LTBP1: variants seen among roughly 807,000 people sequenced by gnomAD.
The protein encoded by LTBP1 is latent transforming growth factor beta binding protein 1, also known as latent-transforming growth factor beta-binding protein 1.
In LTBP1, 129 loss-of-function variants were observed where a neutral mutation model predicts 207.6. That is an observed-to-expected ratio of 0.62 (90% CI 0.54 to 0.72). LTBP1 has a LOEUF of 0.72. Among genes scored for constraint, LTBP1 ranks in the 30% least tolerant of loss-of-function variants. The pLI is 0.00. For synonymous variants in LTBP1, 963 were observed against 833.7 expected (o/e 1.16, Z -2.67); for missense variants, 2,281 against 2,217.2 (o/e 1.03, Z -0.58).
chr2:32,975,598 T>G (rs1181461043), intron 2 of LTBP1, among the ~76,000 whole-genome samples: 10 of 125,708 alleles, frequency 8.0e-5, no homozygotes, highest in African/African-American at 1.6e-4. Context: ...TTTTTTTTTT[T>G]TTTTTTTTTT....
intron 13 of LTBP1, 60 bp downstream of exon 13, chr2:33,259,670 G>T: frequency 1.3e-6 from 2 of 1,486,500 alleles, no homozygotes; most frequent in Non-Finnish European, 1.8e-6. Flanking sequence ...TTTTCTATTA[G>T]AATATGTATG....
intron 9 of LTBP1, among the ~76,000 whole-genome samples, chr2:33,239,876 C>T (rs971022179): frequency 5.3e-5 from 8 of 151,224 alleles, no homozygotes; most frequent in Non-Finnish European, 1.2e-4. Flanking sequence ...TGTACTCCAA[C>T]CTGTGTGACA....
At chr2:33,247,398 G>C (rs572798410) in intron 10 of LTBP1, among the ~76,000 whole-genome samples, 39 of 152,330 alleles carry the variant, frequency 2.6e-4, no homozygotes, top group Non-Finnish European at 5.1e-4. Context: ...ATTTAAAACA[G>C]GATTTGTGCC....
At position 33,361,865 on chromosome 2, in the gene LTBP1, A is replaced by T. The variant is rs975493924; in HGVS notation, c.4270+350A>T. ...ACTAAATATTTTATTCTAGATGCTT[A>T]ATAGAAATCATATCAATTATGATCA... is the stretch of plus-strand genomic sequence containing the variant. On this transcript the variant is annotated intron_variant, in intron 28 of 33. Transcript: ENST00000404816. Among the ~76,000 whole-genome samples the T allele has an allele frequency of 5.9e-5, 9 of 152,302 alleles. No individual in the cohort carries two copies. In the East Asian group the frequency reaches 1.2e-3, roughly 20 times the overall value.
chr2:33,163,820 T>C (rs182717618), intron 5 of LTBP1, among the ~76,000 whole-genome samples: 1 of 152,126 alleles, frequency 6.6e-6, no homozygotes, highest in Admixed American at 6.5e-5. Flanking sequence ...AATAAAGATT[T>C]GATAATTGTT....
At chr2:33,372,969 A>G (rs1018841170) in intron 31 of LTBP1, among the ~76,000 whole-genome samples, 3 of 152,254 alleles carry the variant, frequency 2.0e-5, no homozygotes, top group African/African-American at 7.2e-5. Context: ...TCTGCAAATG[A>G]AAGAAAATTA....
chr2:33,381,589 A>C lies in LTBP1; in HGVS notation c.4712-7595A>C, dbSNP rs115094756. ...TTAAGCAATTTGATCTCTTTCACCT[A>C]ATAAATCGAGCAAATTCAATAAACA... On this transcript the variant is annotated intron_variant, in intron 31 of 33. Transcript: ENST00000404816. Among the ~76,000 whole-genome samples, 527 of 152,330 alleles carry C rather than the reference A, an allele frequency of 3.5e-3. 3 individuals carry two copies. The highest frequency in any genetic ancestry group is 0.012 in the African/African-American group (500 of 41,576).
intron 15 of LTBP1, among the ~76,000 whole-genome samples, chr2:33,267,877 T>C (rs1330746567): frequency 1.3e-5 from 2 of 152,232 alleles, no homozygotes; most frequent in Non-Finnish European, 2.9e-5. Flanking sequence ...ACAATGCAAG[T>C]AGCCTTGCTA....
Position 33,172,646 on chromosome 2 carries a change from A to C in LTBP1, c.1202-14210A>C, listed in dbSNP as rs571995504. ...CAGGAATTGAACTCAGCTCTGCACCAAGCAGACCTAATAGACATCTACAGA... is the reference window on the plus strand; with the variant it reads ...CAGGAATTGAACTCAGCTCTGCACCCAGCAGACCTAATAGACATCTACAGA... On this transcript the variant is annotated intron_variant, in intron 5 of 33. Transcript: ENST00000404816. Among the ~76,000 whole-genome samples the C allele has an allele frequency of 5.9e-5, 9 of 152,340 alleles. No homozygotes were observed. In the South Asian group the frequency reaches 1.9e-3, roughly 32 times the overall value.
chr2:33,265,862 A>G (rs545349780), intron 15 of LTBP1, among the ~76,000 whole-genome samples: 2 of 152,334 alleles, frequency 1.3e-5, no homozygotes, highest in African/African-American at 2.4e-5. Context: ...GAGGTTGACA[A>G]TGTGTTATAG....
At chr2:33,389,115 A>T in intron 31 of LTBP1, 69 bp from the exon 32 acceptor site, 1 of 1,604,604 alleles carries the variant, frequency 6.2e-7, no homozygotes, top group Non-Finnish European at 8.5e-7. Context: ...CGTTGCTCTG[A>T]GCTGCGAGGG....
chr2:33,310,148 C>T (rs1452274427), intron 23 of LTBP1, among the ~76,000 whole-genome samples: 1 of 152,000 alleles, frequency 6.6e-6, no homozygotes, highest in African/African-American at 2.4e-5. Context: ...GGGGTTTCAC[C>T]ACCTTGGCCA....
chr2:33,178,398 G>A (rs550092033), intron 5 of LTBP1, among the ~76,000 whole-genome samples: 3 of 152,296 alleles, frequency 2.0e-5, no homozygotes, highest in East Asian at 3.9e-4. Context: ...TGAACAGGAA[G>A]CTATAAACAA....
chr2:33,247,523 A>T (rs1238432552), intron 10 of LTBP1, among the ~76,000 whole-genome samples: 2 of 152,240 alleles, frequency 1.3e-5, no homozygotes. Context: ...TCATTTACTT[A>T]TTGCCTAATG....
chr2:33,154,584 C>A (rs2083801329), intron 5 of LTBP1, among the ~76,000 whole-genome samples: 2 of 152,140 alleles, frequency 1.3e-5, no homozygotes, highest in Non-Finnish European at 2.9e-5. Flanking sequence ...ACTTATTGAA[C>A]TGGACTGAAT....
chr2:33,049,207 A>G (rs2076601443), intron 3 of LTBP1, among the ~76,000 whole-genome samples: 1 of 152,230 alleles, frequency 6.6e-6, no homozygotes, highest in Admixed American at 6.5e-5. Context: ...AAAATATTGG[A>G]AACAAACTAA....
intron 24 of LTBP1, among the ~76,000 whole-genome samples, chr2:33,332,739 A>G (rs2094511247): frequency 6.6e-6 from 1 of 151,948 alleles, no homozygotes; most frequent in Non-Finnish European, 1.5e-5. Context: ...TTTGTATAGG[A>G]TTAATGAGAG....
chr2:33,317,305 A>G (rs960579461), intron 24 of LTBP1, among the ~76,000 whole-genome samples: 1 of 152,202 alleles, frequency 6.6e-6, no homozygotes, highest in African/African-American at 2.4e-5. Context: ...AACCTGGACA[A>G]TTTTATAAGT....
intron 7 of LTBP1, among the ~76,000 whole-genome samples, chr2:33,212,917 T>C (rs1442224812): frequency 3.9e-5 from 6 of 152,258 alleles, no homozygotes; most frequent in African/African-American, 1.4e-4. Flanking sequence ...AAAATACTTC[T>C]AGTCCCAAGC....
Sources: allele counts gnomAD v4.1 joint callset (sites outside exome capture counted in the v4.1 genomes callset), GRCh38; gene constraint gnomAD v4.1.1; transcripts MANE v1.5; gene names NCBI Gene and HGNC (gene_info 2026-07-23, HGNC 2026-07-21).